Variants in AHCTF1 observed in about 807,000 individuals in gnomAD.
AHCTF1 encodes the protein protein ELYS.
In AHCTF1, 24 loss-of-function variants were observed where a neutral mutation model predicts 248.4. That is an observed-to-expected ratio of 0.10 (90% CI 0.07 to 0.14). AHCTF1 has a LOEUF of 0.14. Ranked by LOEUF, AHCTF1 falls within the 10% of genes least tolerant of loss-of-function variation. The pLI is 1.00. For synonymous variants in AHCTF1, 786 were observed against 929.8 expected, an observed-to-expected ratio of 0.85 and a Z score of 2.81; for missense variants, 2,206 against 2,636.2, an observed-to-expected ratio of 0.84 and a Z score of 3.57.
chr1:246,857,812 T>C lies in AHCTF1; in HGVS notation c.4135A>G (p.Asn1379Asp). 6.2e-7 allele frequency: 1 copy of C among 1,606,620 alleles called. No individual in the cohort carries two copies. Among genetic ancestry groups the C allele is most frequent in the Non-Finnish European group, 8.5e-7 (1 of 1,175,146 alleles). ...TCCTTTGTTTCTGCATCTTCTAAAT[T>C]GCCTATAAGTCATACAAATAAGAAT... ...TPSDLQKQMG[N>D]LEDAETKDLL... is the part of the protein sequence containing the mutation. Residue 1379 changes from asparagine to aspartate, a missense_variant and splice_region_variant, in exon 30 of 36, where the codon AAT becomes GAT. Transcript: ENST00000648844.
Position 246,862,147 on chromosome 1 carries a change from T to C in AHCTF1, c.3547A>G (p.Lys1183Glu), listed in dbSNP as rs1445524259. 2 of 1,607,736 alleles carry C rather than the reference T, an allele frequency of 1.2e-6. No homozygotes were observed. Among genetic ancestry groups the C allele is most frequent in the Non-Finnish European group, 1.7e-6 (2 of 1,177,820 alleles). Reference protein sequence around the residue: ...LETPLVVKKAKSLAMSVTTSG... With the variant: ...LETPLVVKKAESLAMSVTTSG... ...GTAGTAACTGACATGGCCAAACTTT[T>C]AGCTTTCTATAGTAAAGAGCAAATG... Residue 1183 changes from lysine to glutamate, a missense_variant, in exon 28 of 36, where the codon AAA (lysine) becomes GAA (glutamate). By Grantham distance (56) the Lys-to-Glu change is moderately conservative. Coordinates refer to ENST00000648844, the MANE Select transcript of AHCTF1 (RefSeq NM_001323342.2).
At chr1:246,874,897 G>C (rs1252156960) in intron 24 of AHCTF1, among the ~76,000 whole-genome samples, 3 of 152,116 alleles carry the variant, frequency 2.0e-5, no homozygotes, top group Admixed American at 6.5e-5. Flanking sequence ...TTTGTAAACA[G>C]ACAGAGTCTC....
intron 24 of AHCTF1, among the ~76,000 whole-genome samples, chr1:246,869,392 G>C (rs1421965978): frequency 6.6e-6 from 1 of 152,174 alleles, no homozygotes; most frequent in Non-Finnish European, 1.5e-5. Flanking sequence ...TAAATCAAAA[G>C]CTAGACCTCT....
At chr1:246,921,136 C>T (rs1327187054) in intron 1 of AHCTF1, among the ~76,000 whole-genome samples, 1 of 151,990 alleles carries the variant, frequency 6.6e-6, no homozygotes, top group East Asian at 1.9e-4. Context: ...GCAGAAAATA[C>T]ACGCAAAATG....
At chr1:246,887,166 T>C (rs1663874879) in intron 20 of AHCTF1, 45 bp downstream of exon 20, 1 of 1,552,608 alleles carries the variant, frequency 6.4e-7, no homozygotes, top group Non-Finnish European at 8.7e-7. Context: ...TTTTCTAAAA[T>C]TCTAGTAATT....
chr1:246,863,775 T>G, intron 27 of AHCTF1, 149 bp downstream of exon 27: 1 of 763,802 alleles, frequency 1.3e-6, no homozygotes, highest in Non-Finnish European at 2.1e-6. Flanking sequence ...GCTCCGTTTT[T>G]AGAAGATGTG....
intron 1 of AHCTF1, among the ~76,000 whole-genome samples, chr1:246,930,598 A>AAG (rs1553308027): frequency 0.026 from 3,878 of 148,670 alleles, 68 homozygotes; most frequent in Middle Eastern, 0.038. Context: ...AAAAAAAAAA[A>AAG]GGGGGGGTCT....
At position 246,851,244 on chromosome 1, in the gene AHCTF1, C is replaced by G; in HGVS notation, c.4762G>C (p.Ala1588Pro). Reference sequence around the variant, plus strand: ...AATATCAAGGTAAAGTTGCTTTGAGCCACAAAAAGTTCCCCATCTACTTCA... The same window carrying G: ...AATATCAAGGTAAAGTTGCTTTGAGGCACAAAAAGTTCCCCATCTACTTCA... ...IAEVDGELFV[A>P]QSNFTLILEG... is the part of the protein sequence containing the mutation. The change falls in exon 33 of 36, where the codon GCT becomes CCT. Residue 1588 changes from alanine to proline, a missense_variant. Physicochemically the swap from Ala to Pro is conservative, Grantham distance 27. Transcript: ENST00000648844. 1 of 1,613,914 alleles carries G rather than the reference C, an allele frequency of 6.2e-7. No homozygotes were observed.
intron 24 of AHCTF1, among the ~76,000 whole-genome samples, chr1:246,872,776 G>A (rs969016515): frequency 3.9e-5 from 6 of 152,144 alleles, no homozygotes; most frequent in African/African-American, 1.4e-4. Context: ...TGGCATGATT[G>A]AACCTTCGAA....
intron 20 of AHCTF1, among the ~76,000 whole-genome samples, chr1:246,886,318 G>A (rs534292712): frequency 2.6e-5 from 4 of 152,124 alleles, no homozygotes; most frequent in Admixed American, 6.5e-5. Flanking sequence ...GTGACAGAGC[G>A]AGACTCCATC....
chr1:246,914,028 G>A (rs1182273538), intron 3 of AHCTF1, among the ~76,000 whole-genome samples: 1 of 152,128 alleles, frequency 6.6e-6, no homozygotes, highest in Non-Finnish European at 1.5e-5. Context: ...GGCAGTCACT[G>A]GATCACTGAC....
At chr1:246,911,223 C>T (rs894015938) in intron 4 of AHCTF1, among the ~76,000 whole-genome samples, 2 of 152,004 alleles carry the variant, frequency 1.3e-5, no homozygotes, top group East Asian at 3.9e-4. Flanking sequence ...GTTTTAATTA[C>T]GAATATAAGC....
At chr1:246,901,249 G>A (rs1176394194) in intron 8 of AHCTF1, among the ~76,000 whole-genome samples, 1 of 152,196 alleles carries the variant, frequency 6.6e-6, no homozygotes, top group African/African-American at 2.4e-5. Context: ...GCTGAGGTGG[G>A]AGGATCGCTT....
Position 246,916,453 on chromosome 1 carries a change from C to T in AHCTF1, c.122-58G>A, listed in dbSNP as rs1004859814. On this transcript the variant is annotated intron_variant, in intron 2 of 35. Transcript: ENST00000648844. ...TGTATATACACAAAACATGCAATAA[C>T]GGTTAGCTCATTTACATACAACTAT... 8 of 1,455,128 alleles carry T rather than the reference C, an allele frequency of 5.5e-6. No homozygotes were observed. The East Asian group carries it at 6.9e-5, about 12-fold the overall frequency. The allele number at this position is 1,455,128 out of a possible 1,614,324, so 90.1% of individuals were successfully genotyped here.
intron 4 of AHCTF1, among the ~76,000 whole-genome samples, chr1:246,911,994 C>T (rs780201324): frequency 9.9e-5 from 15 of 152,054 alleles, no homozygotes; most frequent in Middle Eastern, 3.4e-3. Flanking sequence ...AGTGCAGTGG[C>T]GTGATCTCGG....
chr1:246,860,836 C>G (rs1661485290), intron 29 of AHCTF1, 63 bp downstream of exon 29: 1 of 1,543,390 alleles, frequency 6.5e-7, no homozygotes, highest in South Asian at 1.3e-5. Flanking sequence ...GGAAAAAATT[C>G]TATTATAAAC....
chr1:246,931,201 G>C (rs776636117), intron 1 of AHCTF1: 93 of 1,550,150 alleles, frequency 6.0e-5, no homozygotes, highest in Non-Finnish European at 7.6e-5. Context: ...CGCTTCCCTC[G>C]GGGAAAGGCC....
chr1:246,899,306 A>T, intron 11 of AHCTF1, 145 bp downstream of exon 11: 1 of 568,636 alleles, frequency 1.8e-6, no homozygotes, highest in Non-Finnish European at 3.0e-6. Context: ...TGATACTACT[A>T]GTTGATAATC....
At chr1:246,929,779 C>A (rs374928501) in intron 1 of AHCTF1, among the ~76,000 whole-genome samples, 27 of 152,128 alleles carry the variant, frequency 1.8e-4, no homozygotes, top group Admixed American at 1.6e-3. Flanking sequence ...ACCAGCCGGG[C>A]GCGGTGGCTC....
Sources: gnomAD v4.1 joint callset for allele counts (sites outside exome capture counted in the v4.1 genomes callset) on GRCh38, gnomAD v4.1.1 for gene constraint, MANE v1.5 for transcripts, NCBI Gene and HGNC (gene_info 2026-07-23, HGNC 2026-07-21) for gene names.